Variants in CDYL observed in about 807,000 individuals in gnomAD.
CDYL encodes the protein chromodomain Y like.
A neutral mutation model predicts 47.3 loss-of-function variants in CDYL; 8 were observed. That is an observed-to-expected ratio of 0.17 (90% CI 0.10 to 0.31). The LOEUF is 0.31. CDYL is among the 10% of genes least tolerant of loss of function. CDYL has a pLI of 1.00. For synonymous variants in CDYL, 266 were observed against 265.0 expected (o/e 1.00, Z -0.04); for missense variants, 471 against 701.4 (o/e 0.67, Z 3.71).
intron 1 of CDYL, among the ~76,000 whole-genome samples, chr6:4,821,413 C>T (rs752284715): frequency 4.0e-5 from 6 of 151,650 alleles, no homozygotes; most frequent in Non-Finnish European, 5.9e-5. Context: ...CACGCCCAGT[C>T]GGTCATATGG....
chr6:4,711,308 T>C (rs904735235), intron 1 of CDYL, among the ~76,000 whole-genome samples: 1 of 152,202 alleles, frequency 6.6e-6, no homozygotes, highest in African/African-American at 2.4e-5. Context: ...GAAGTTTCAG[T>C]GACTTACGGG....
chr6:4,952,415 T>C lies in CDYL; in HGVS notation c.1476+6T>C, dbSNP rs1485496767. The C allele has an allele frequency of 6.2e-7, 1 of 1,600,952 alleles. No individual in the cohort carries two copies. Among genetic ancestry groups the C allele is most frequent in the Non-Finnish European group, 8.5e-7 (1 of 1,174,660 alleles). The stretch of plus-strand genomic sequence containing the variant: ...TTGCCTCGTGCAATCCAGTTGTATG[T>C]CTAATTGCTTCTGTTACACGTTACT... On this transcript the variant is annotated splice_donor_region_variant and intron_variant, in intron 6 of 6. Coordinates refer to ENST00000397588, the MANE Select transcript of CDYL (RefSeq NM_004824.4).
At chr6:4,748,950 T>C (rs1161099170) in intron 3 of CDYL, among the ~76,000 whole-genome samples, 1 of 152,226 alleles carries the variant, frequency 6.6e-6, no homozygotes, top group Non-Finnish European at 1.5e-5. Flanking sequence ...GAAGGGATCT[T>C]AGCAATCACC....
chr6:4,923,015 T>C (rs1561710556), intron 2 of CDYL, among the ~76,000 whole-genome samples: 1 of 152,234 alleles, frequency 6.6e-6, no homozygotes, highest in South Asian at 2.1e-4. Flanking sequence ...TATAATTTGA[T>C]ATATATGTGC....
chr6:4,903,620 C>G (rs1053285616), intron 2 of CDYL, among the ~76,000 whole-genome samples: 2 of 152,186 alleles, frequency 1.3e-5, no homozygotes, highest in African/African-American at 4.8e-5. Flanking sequence ...CTTCTGTGTC[C>G]TTTCTCACCA....
At chr6:4,751,700 A>G (rs909577069) in intron 3 of CDYL, among the ~76,000 whole-genome samples, 1 of 152,246 alleles carries the variant, frequency 6.6e-6, no homozygotes, top group Non-Finnish European at 1.5e-5. Context: ...CCATTTTGGC[A>G]TGAACCAGTT....
intron 4 of CDYL, among the ~76,000 whole-genome samples, chr6:4,941,639 C>T (rs1024325356): frequency 7.9e-5 from 12 of 152,238 alleles, no homozygotes; most frequent in Non-Finnish European, 4.4e-5. Context: ...CTATCAAAAT[C>T]TAAGTTTCGA....
chr6:4,895,173 A>G lies in CDYL; in HGVS notation c.691+2794A>G, dbSNP rs1282617138. ...TATACACATACATGTACATATGTGT[A>G]TGTATATATGTGTATATATGTATAC... On this transcript the variant is annotated intron_variant, in intron 2 of 6. Coordinates refer to ENST00000397588, the MANE Select transcript of CDYL (RefSeq NM_004824.4). Among the ~76,000 whole-genome samples, 24 of 17,596 alleles carry G rather than the reference A, an allele frequency of 1.4e-3. 6 individuals carry two copies. Among genetic ancestry groups the G allele is most frequent in the Admixed American group, 2.6e-3 (2 of 776 alleles). 11.5% of individuals were successfully genotyped at this position (17,596 alleles called of 152,430 possible). A position where few individuals can be genotyped will look rare whatever the true frequency, so the allele number is the denominator to read the frequency against.
chr6:4,724,299 C>A (rs1004747236), intron 2 of CDYL: 1 of 152,068 alleles, frequency 6.6e-6, no homozygotes, highest in Non-Finnish European at 1.5e-5. Context: ...AATCCACCCA[C>A]CTTGGCCTCC....
chr6:4,916,961 T>C (rs906231571), intron 2 of CDYL, among the ~76,000 whole-genome samples: 23 of 152,306 alleles, frequency 1.5e-4, no homozygotes, highest in African/African-American at 5.5e-4. Flanking sequence ...ACCAGAGAAC[T>C]TCAGCTTTGA....
chr6:4,929,519 CACACACATACAT>C (rs1284078583), intron 2 of CDYL, among the ~76,000 whole-genome samples: 3 of 151,614 alleles, frequency 2.0e-5, no homozygotes, highest in Non-Finnish European at 2.9e-5. Context: ...CACACACACA[CACACACATACAT>C]ACACACCCCT....
chr6:4,745,871 G>T (rs1390363038), intron 3 of CDYL, among the ~76,000 whole-genome samples: 2 of 152,148 alleles, frequency 1.3e-5, no homozygotes, highest in African/African-American at 4.8e-5. Flanking sequence ...AGTAGTGGAG[G>T]CAACAGTGCA....
In CDYL at chr6:4,937,604, G is replaced by A; in HGVS notation, c.988G>A (p.Ala330Thr). The A allele has an allele frequency of 6.2e-7, 1 of 1,600,990 alleles. No individual in the cohort carries two copies. The highest frequency in any genetic ancestry group is 8.5e-7 in the Non-Finnish European group (1 of 1,174,848). The change falls in exon 4 of 7, where the codon GCC becomes ACC. Residue 330 changes from alanine (A) to threonine (T), a missense_variant. Ala to Thr is a moderately conservative substitution (Grantham distance 58). Coordinates refer to ENST00000397588, the MANE Select transcript of CDYL (RefSeq NM_004824.4). ...EVQSALSTAAADDSKLVLLSA... is the reference protein window; with the variant it reads ...EVQSALSTAATDDSKLVLLSA... The stretch of plus-strand genomic sequence containing the variant: ...CCAGAGTGCTCTGAGCACGGCCGCT[G>A]CCGATGACAGCAAGCTGGTACTGCT...
intron 2 of CDYL, among the ~76,000 whole-genome samples, chr6:4,915,282 T>C (rs1432299593): frequency 1.3e-5 from 2 of 152,086 alleles, no homozygotes; most frequent in African/African-American, 4.8e-5. Flanking sequence ...CAAAACACAT[T>C]TTACCACTCT....
At chr6:4,720,618 C>A (rs1757350255) in intron 2 of CDYL, among the ~76,000 whole-genome samples, 1 of 152,166 alleles carries the variant, frequency 6.6e-6, no homozygotes, top group Non-Finnish European at 1.5e-5. Flanking sequence ...TTAACCACAA[C>A]CAATATTACT....
intron 2 of CDYL, among the ~76,000 whole-genome samples, chr6:4,893,415 G>A (rs891840977): frequency 2.0e-5 from 3 of 152,182 alleles, no homozygotes; most frequent in Non-Finnish European, 4.4e-5. Context: ...CTCTTTAGCC[G>A]GGCGTGGTGG....
chr6:4,814,913 A>G (rs1228124219), intron 1 of CDYL, among the ~76,000 whole-genome samples: 1 of 152,230 alleles, frequency 6.6e-6, no homozygotes, highest in Non-Finnish European at 1.5e-5. Context: ...CATTCAAAGA[A>G]GAGGGAGAGG....
At chr6:4,819,162 C>CTCTCTCTCTCTGTGTG (rs1016051589) in intron 1 of CDYL, among the ~76,000 whole-genome samples, 1 of 111,944 alleles carries the variant, frequency 8.9e-6, no homozygotes, top group Admixed American at 8.6e-5. Context: ...CTCTCTCTCT[C>CTCTCTCTCTCTGTGTG]TGTGTGTGTG....
chr6:4,935,509 C>T lies in CDYL; in HGVS notation c.692-6C>T, dbSNP rs373172636. On this transcript the variant is annotated splice_region_variant and splice_polypyrimidine_tract_variant and intron_variant, in intron 2 of 6. Coordinates refer to ENST00000397588, the MANE Select transcript of CDYL (RefSeq NM_004824.4). ...ACAGACTACTGTGATTTCAAACTCT[C>T]GGCAGGTACATCTCCGTTCATGGAT... The T allele has an allele frequency of 6.1e-5, 99 of 1,613,126 alleles. No individual in the cohort carries two copies. The African/African-American group carries it at 1.1e-3, about 18-fold the overall frequency.
Sources: gnomAD v4.1 joint callset for allele counts (sites outside exome capture counted in the v4.1 genomes callset) on GRCh38, gnomAD v4.1.1 for gene constraint, MANE v1.5 for transcripts, NCBI Gene and HGNC (gene_info 2026-07-23, HGNC 2026-07-21) for gene names.